Variants in NMT2 observed in about 807,000 individuals in gnomAD.
The protein encoded by NMT2 is glycylpeptide N-tetradecanoyltransferase 2.
NMT2 carries 35 observed loss-of-function variants against 65.4 expected under a neutral mutation model. The observed-to-expected ratio is 0.54, with a 90% confidence interval of 0.41 to 0.71. The LOEUF is 0.71. Ranked by LOEUF, NMT2 falls within the 30% of genes least tolerant of loss-of-function variation. The pLI is 0.00. For missense variants in NMT2, 489 were observed against 611.3 expected, an observed-to-expected ratio of 0.80 and a Z score of 2.11; for synonymous variants, 226 against 231.8, an observed-to-expected ratio of 0.98 and a Z score of 0.23.
At chr10:15,124,283 G>A (rs1171866717) in intron 8 of NMT2, among the ~76,000 whole-genome samples, 2 of 152,296 alleles carry the variant, frequency 1.3e-5, no homozygotes, top group South Asian at 2.1e-4. Flanking sequence ...ATCGTAAGGC[G>A]TGTTTCTTGG....
At chr10:15,155,497 T>TAGCTA (rs1482115726) in intron 1 of NMT2, among the ~76,000 whole-genome samples, 2 of 149,482 alleles carry the variant, frequency 1.3e-5, no homozygotes, top group South Asian at 2.1e-4. Flanking sequence ...GCCTCCTGAG[T>TAGCTA]AGCTAGGAGT....
At chr10:15,145,132 G>A (rs1001884237) in intron 1 of NMT2, among the ~76,000 whole-genome samples, 2 of 152,178 alleles carry the variant, frequency 1.3e-5, no homozygotes, top group Admixed American at 6.5e-5. Flanking sequence ...GCTACACTAA[G>A]TGAAAGACAC....
At chr10:15,148,503 C>T (rs1244056956) in intron 1 of NMT2, among the ~76,000 whole-genome samples, 13 of 151,990 alleles carry the variant, frequency 8.6e-5, no homozygotes, top group Admixed American at 7.9e-4. Context: ...CAGAGTGAGA[C>T]CCTGTCTCAA....
At chr10:15,112,692 G>T in intron 10 of NMT2, 104 bp downstream of exon 10, 3 of 1,092,178 alleles carry the variant, frequency 2.7e-6, no homozygotes, top group Non-Finnish European at 3.8e-6. Context: ...TTAAAGTCTC[G>T]CATAAATTCC....
At chr10:15,143,039 C>T (rs1381593094) in intron 1 of NMT2, among the ~76,000 whole-genome samples, 1 of 152,114 alleles carries the variant, frequency 6.6e-6, no homozygotes, top group African/African-American at 2.4e-5. Flanking sequence ...AATTGCGTCC[C>T]TAAGGTCTCC....
intron 1 of NMT2, among the ~76,000 whole-genome samples, chr10:15,147,384 A>G (rs1382001231): frequency 1.3e-5 from 2 of 152,110 alleles, no homozygotes; most frequent in East Asian, 3.9e-4. Flanking sequence ...TTTTTGAACT[A>G]GTGTATAATA....
intron 6 of NMT2, 137 bp from the exon 7 acceptor site, chr10:15,130,449 G>T: frequency 1.5e-6 from 1 of 676,998 alleles, no homozygotes; most frequent in Non-Finnish European, 2.3e-6. Context: ...GCTGTCGCCT[G>T]TAATCTCAGC....
chr10:15,120,037 C>T (rs1829195985), intron 8 of NMT2, among the ~76,000 whole-genome samples: 1 of 152,148 alleles, frequency 6.6e-6, no homozygotes, highest in African/African-American at 2.4e-5. Context: ...AAAACTGGAT[C>T]GTTGCATCTG....
At chr10:15,112,217 T>TA (rs1554820299) in intron 10 of NMT2, among the ~76,000 whole-genome samples, 63 of 7,628 alleles carry the variant, frequency 8.3e-3, no homozygotes, top group Non-Finnish European at 0.014. Flanking sequence ...TATATATATA[T>TA]TTTTTTTTTT....
chr10:15,167,554 T>C (rs1833416741), intron 1 of NMT2, among the ~76,000 whole-genome samples: 1 of 152,158 alleles, frequency 6.6e-6, no homozygotes, highest in Non-Finnish European at 1.5e-5. Context: ...AACCGCTCTG[T>C]GCCAGCGCAT....
chr10:15,146,634 C>G (rs532600449), intron 1 of NMT2, among the ~76,000 whole-genome samples: 1 of 152,206 alleles, frequency 6.6e-6, no homozygotes, highest in Non-Finnish European at 1.5e-5. Context: ...GGCGCAGTCT[C>G]GACCCTGGAT....
chr10:15,125,667 T>G (rs1276826427), intron 8 of NMT2, among the ~76,000 whole-genome samples: 1 of 152,126 alleles, frequency 6.6e-6, no homozygotes, highest in African/African-American at 2.4e-5. Flanking sequence ...TGTATTTAGT[T>G]ATTTATTTAG....
chr10:15,159,512 T>A (rs1235578304), intron 1 of NMT2, among the ~76,000 whole-genome samples: 1 of 151,918 alleles, frequency 6.6e-6, no homozygotes, highest in South Asian at 2.1e-4. Context: ...TATAAAGTGA[T>A]CTCCATCTCT....
intron 10 of NMT2, among the ~76,000 whole-genome samples, chr10:15,112,217 T>TATATATATATA (rs1554820299): frequency 2.1e-3 from 16 of 7,692 alleles, no homozygotes; most frequent in Non-Finnish European, 3.4e-3. Flanking sequence ...TATATATATA[T>TATATATATATA]TTTTTTTTTT....
chr10:15,159,799 A>G (rs1398389711), intron 1 of NMT2, among the ~76,000 whole-genome samples: 1 of 152,174 alleles, frequency 6.6e-6, no homozygotes, highest in Non-Finnish European at 1.5e-5. Context: ...AAAGACCCAC[A>G]TCTCCCATTT....
intron 1 of NMT2, among the ~76,000 whole-genome samples, chr10:15,145,990 A>G (rs1197092316): frequency 5.3e-5 from 8 of 152,200 alleles, no homozygotes; most frequent in Admixed American, 5.2e-4. Context: ...CAATGAAGAA[A>G]GACTAATTCA....
rs1201948522 is a variant in NMT2 at position 15,108,188 on chromosome 10, C to CTTT, written c.*1004_*1006dup. On this transcript the variant is annotated 3_prime_UTR_variant, in exon 12 of 12. Transcript: ENST00000378165. Reference sequence around the variant, plus strand: ...AGTTAGTCGCGGGTACAGGCTCTTTCTTTTTTTTTTTTTTTGAGACGGAGT... The same window carrying CTTT: ...AGTTAGTCGCGGGTACAGGCTCTTTCTTTTTTTTTTTTTTTTTTGAGACGGAGT... The CTTT allele has an allele frequency of 2.9e-5, 26 of 906,594 alleles. No individual in the cohort carries two copies. In the African/African-American group the frequency reaches 3.6e-4, roughly 13 times the overall value. 56.2% of individuals were successfully genotyped at this position (906,594 alleles called of 1,614,324 possible). A position where few individuals can be genotyped will look rare whatever the true frequency, so the allele number is the denominator to read the frequency against.
chr10:15,155,665 G>A (rs1255708419), intron 1 of NMT2, among the ~76,000 whole-genome samples: 3 of 147,754 alleles, frequency 2.0e-5, no homozygotes, highest in African/African-American at 5.0e-5. Flanking sequence ...TTATAGACAT[G>A]AGCCACTGCA....
intron 1 of NMT2, among the ~76,000 whole-genome samples, chr10:15,152,372 GCT>G (rs1190934638): frequency 6.6e-6 from 1 of 152,192 alleles, no homozygotes; most frequent in Non-Finnish European, 1.5e-5. Context: ...ATACCACAGA[GCT>G]CTGAGAAGTT....
Sources: gnomAD v4.1 joint callset for allele counts (sites outside exome capture counted in the v4.1 genomes callset) on GRCh38, gnomAD v4.1.1 for gene constraint, MANE v1.5 for transcripts, NCBI Gene and HGNC (gene_info 2026-07-23, HGNC 2026-07-21) for gene names.